Variants in EPHA5 observed in about 807,000 individuals in gnomAD.
EPHA5 encodes ephrin type-A receptor 5.
A neutral mutation model predicts 105.0 loss-of-function variants in EPHA5; 60 were observed. That is an observed-to-expected ratio of 0.57 (90% CI 0.46 to 0.71). The LOEUF (loss-of-function observed/expected upper bound fraction) is 0.71. Ranked by LOEUF, EPHA5 falls within the 30% of genes least tolerant of loss-of-function variation. The pLI, the probability that EPHA5 is intolerant of heterozygous loss-of-function variation, is 0.00. For synonymous variants in EPHA5, 513 were observed against 449.1 expected, an observed-to-expected ratio of 1.14 and a Z score of -1.80; for missense variants, 1,218 against 1,274.7, an observed-to-expected ratio of 0.96 and a Z score of 0.68.
chr4:65,561,553 T>G (rs1036980484), intron 3 of EPHA5, among the ~76,000 whole-genome samples: 6 of 152,092 alleles, frequency 3.9e-5, no homozygotes, highest in Non-Finnish European at 7.4e-5. Flanking sequence ...ATTGATCACA[T>G]GTTCACTTCC....
intron 4 of EPHA5, among the ~76,000 whole-genome samples, chr4:65,491,195 A>AG (rs1432842108): frequency 2.0e-5 from 3 of 151,636 alleles, no homozygotes; most frequent in Non-Finnish European, 2.9e-5. Context: ...AAAAAAAAAA[A>AG]CCTTAGCATG....
At chr4:65,552,085 G>C (rs954870890) in intron 3 of EPHA5, among the ~76,000 whole-genome samples, 1 of 152,094 alleles carries the variant, frequency 6.6e-6, no homozygotes, top group East Asian at 1.9e-4. Flanking sequence ...TCACAGCAGA[G>C]GGCAGAAAAA....
intron 1 of EPHA5, among the ~76,000 whole-genome samples, chr4:65,659,944 C>T (rs950934532): frequency 1.3e-5 from 2 of 152,020 alleles, no homozygotes; most frequent in South Asian, 2.1e-4. Context: ...GTAGAGGTGT[C>T]GACTTACAAT....
intron 11 of EPHA5, among the ~76,000 whole-genome samples, chr4:65,357,373 C>A (rs1274000167): frequency 6.6e-6 from 1 of 151,386 alleles, no homozygotes; most frequent in Non-Finnish European, 1.5e-5. Flanking sequence ...ACTGAGATGT[C>A]TACAAATTCA....
chr4:65,541,688 T>G (rs1015880494), intron 3 of EPHA5, among the ~76,000 whole-genome samples: 2 of 151,936 alleles, frequency 1.3e-5, no homozygotes, highest in Non-Finnish European at 2.9e-5. Context: ...ATTGGACAGA[T>G]AAATCAGACA....
At chr4:65,622,220 C>A (rs955370889) in intron 2 of EPHA5, among the ~76,000 whole-genome samples, 4 of 152,036 alleles carry the variant, frequency 2.6e-5, no homozygotes, top group African/African-American at 9.7e-5. Flanking sequence ...TTCTCTTCCA[C>A]AGTGAACTGT....
At chr4:65,635,480 G>A (rs1747035848) in intron 2 of EPHA5, among the ~76,000 whole-genome samples, 1 of 152,156 alleles carries the variant, frequency 6.6e-6, no homozygotes, top group African/African-American at 2.4e-5. Context: ...TCAGGGGAAT[G>A]TAGTGGTTTC....
chr4:65,550,424 G>T (rs1381050564), intron 3 of EPHA5, among the ~76,000 whole-genome samples: 2 of 152,010 alleles, frequency 1.3e-5, no homozygotes, highest in East Asian at 1.9e-4. Context: ...AAGTTTGGAC[G>T]CCCTTAATAG....
intron 11 of EPHA5, among the ~76,000 whole-genome samples, chr4:65,360,789 A>G (rs1717228054): frequency 6.6e-6 from 1 of 151,646 alleles, no homozygotes; most frequent in South Asian, 2.1e-4. Context: ...AGATCTTTAC[A>G]TAGCCACAAT....
At chr4:65,565,493 T>TTTTA (rs1739444131) in intron 3 of EPHA5, among the ~76,000 whole-genome samples, 1 of 151,728 alleles carries the variant, frequency 6.6e-6, no homozygotes, top group African/African-American at 2.4e-5. Context: ...TTAAAGTAAT[T>TTTTA]TTTATTTTGC....
chr4:65,352,723 T>G (rs1049383700), intron 12 of EPHA5, among the ~76,000 whole-genome samples: 2 of 151,826 alleles, frequency 1.3e-5, no homozygotes, highest in Non-Finnish European at 2.9e-5. Context: ...TTTCCTTTTT[T>G]CCCTTTTTAC....
chr4:65,371,850 G>A (rs1718507911), intron 8 of EPHA5, among the ~76,000 whole-genome samples: 1 of 151,884 alleles, frequency 6.6e-6, no homozygotes, highest in Non-Finnish European at 1.5e-5. Context: ...TCACAATAGG[G>A]GAAGAAGTGG....
chr4:65,438,013 A>G (rs1387268215), intron 5 of EPHA5, among the ~76,000 whole-genome samples: 1 of 151,968 alleles, frequency 6.6e-6, no homozygotes, highest in Non-Finnish European at 1.5e-5. Context: ...GATTCAGAAA[A>G]CAGTATTTAT....
chr4:65,357,248 GCTCAGAAAGGTTCAATATATTA>G (rs1723388528), intron 11 of EPHA5, among the ~76,000 whole-genome samples: 1 of 151,340 alleles, frequency 6.6e-6, no homozygotes, highest in African/African-American at 2.4e-5. Flanking sequence ...GGCAAGTAAG[GCTCAGAAAGGTTCAATATATTA>G]CTCGGGTTGT....
At chr4:65,600,016 T>C (rs1337811558) in intron 3 of EPHA5, among the ~76,000 whole-genome samples, 1 of 152,204 alleles carries the variant, frequency 6.6e-6, no homozygotes, top group African/African-American at 2.4e-5. Context: ...AGTGCTCACA[T>C]ATTCTCTAAA....
intron 3 of EPHA5, among the ~76,000 whole-genome samples, chr4:65,569,140 A>C (rs1384689360): frequency 6.6e-6 from 1 of 151,546 alleles, no homozygotes; most frequent in Non-Finnish European, 1.5e-5. Context: ...GTGAGCTATC[A>C]CAATATTAAA....
At chr4:65,661,557 G>C (rs1749561372) in intron 1 of EPHA5, among the ~76,000 whole-genome samples, 1 of 152,126 alleles carries the variant, frequency 6.6e-6, no homozygotes, top group Non-Finnish European at 1.5e-5. Context: ...ACTGACTAGA[G>C]AAAAACTCTT....
At chr4:65,535,319 A>G (rs962641248) in intron 3 of EPHA5, among the ~76,000 whole-genome samples, 2 of 152,096 alleles carry the variant, frequency 1.3e-5, no homozygotes, top group African/African-American at 2.4e-5. Context: ...CATGAGAGAA[A>G]ATGCTGAATC....
At chr4:65,629,146 T>C (rs921346534) in intron 2 of EPHA5, among the ~76,000 whole-genome samples, 3 of 152,110 alleles carry the variant, frequency 2.0e-5, no homozygotes, top group Admixed American at 1.3e-4. Context: ...GGAAAAGCAA[T>C]GTAAACAGAC....
Sources: allele counts gnomAD v4.1 joint callset (sites outside exome capture counted in the v4.1 genomes callset), GRCh38; gene constraint gnomAD v4.1.1; transcripts MANE v1.5; gene names NCBI Gene and HGNC (gene_info 2026-07-23, HGNC 2026-07-21).